Variants in SCNN1B observed in about 807,000 individuals in gnomAD.
SCNN1B encodes sodium channel epithelial 1 subunit beta.
SCNN1B carries 46 observed loss-of-function variants against 65.3 expected under a neutral mutation model. The observed-to-expected ratio is 0.70, with a 90% CI of 0.56 to 0.90. SCNN1B has a LOEUF of 0.90. SCNN1B is among the 40% of genes least tolerant of loss of function. SCNN1B has a pLI of 0.00. For missense variants in SCNN1B, 751 were observed against 830.5 expected (o/e 0.90, Z 1.18); for synonymous variants, 349 against 330.6 (o/e 1.06, Z -0.60).
At position 23,307,413 on chromosome 16, in the gene SCNN1B, G is replaced by A. The variant is rs1006325945; in HGVS notation, c.-9+4976G>A. ...CGGCTCACTGCAACCTCCACTTCCCGGGTTCAAGTGATGCTCCTGCCTCAG... is the reference window on the plus strand; with the variant it reads ...CGGCTCACTGCAACCTCCACTTCCCAGGTTCAAGTGATGCTCCTGCCTCAG... On this transcript the variant is annotated intron_variant, in intron 1 of 12. Coordinates refer to ENST00000343070, the MANE Select transcript of SCNN1B (RefSeq NM_000336.3). 8.8e-5 allele frequency among the ~76,000 whole-genome samples: 13 copies of A among 148,340 alleles called. No individual in the cohort carries two copies. In the South Asian group the frequency reaches 1.1e-3, roughly 12 times the overall value.
chr16:23,302,015 T>G (rs1487788539), upstream of SCNN1B, among the ~76,000 whole-genome samples: 1 of 152,054 alleles, frequency 6.6e-6, no homozygotes, highest in Non-Finnish European at 1.5e-5. Flanking sequence ...GCTTGTGATA[T>G]GTACTGAGGG....
intron 1 of SCNN1B, among the ~76,000 whole-genome samples, chr16:23,343,867 A>G (rs936049669): frequency 6.6e-6 from 1 of 152,180 alleles, no homozygotes; most frequent in Non-Finnish European, 1.5e-5. Context: ...CTGTACACTG[A>G]TTCAATCCCT....
rs1962334630 is a variant in SCNN1B, at chr16:23,352,702, A to G, written c.312-99A>G. 71 of 1,247,518 alleles carry G rather than the reference A, an allele frequency of 5.7e-5. No individual in the cohort carries two copies. The South Asian group carries it at 7.9e-4, about 14-fold the overall frequency. 77.3% of individuals were successfully genotyped at this position (1,247,518 alleles called of 1,614,324 possible). A position where few individuals can be genotyped will look rare whatever the true frequency, so the allele number is the denominator to read the frequency against. ...CAGTCTCAGGTAGTATCTTTATAGC[A>G]GTGTGAAAACAGACTACTATGGAGT... On this transcript the variant is annotated intron_variant, in intron 2 of 12. Coordinates refer to ENST00000343070, the MANE Select transcript of SCNN1B (RefSeq NM_000336.3).
intron 2 of SCNN1B, among the ~76,000 whole-genome samples, chr16:23,349,308 C>T (rs1199551333): frequency 9.2e-5 from 14 of 151,900 alleles, no homozygotes; most frequent in Non-Finnish European, 1.8e-4. Flanking sequence ...CAAGATCCCA[C>T]TTCTAAAAAA....
At chr16:23,287,917 A>C (rs367787616) in intron 2 of SCNN1B, among the ~76,000 whole-genome samples, 11 of 150,458 alleles carry the variant, frequency 7.3e-5, no homozygotes, top group Admixed American at 2.0e-4. Context: ...CATTTTGGGA[A>C]GCCGAGGTAG....
intron 1 of SCNN1B, among the ~76,000 whole-genome samples, chr16:23,315,515 G>A (rs1462237022): frequency 6.6e-6 from 1 of 152,118 alleles, no homozygotes; most frequent in Non-Finnish European, 1.5e-5. Flanking sequence ...TATAGAACAG[G>A]CATGGGAGCC....
intron 1 of SCNN1B, among the ~76,000 whole-genome samples, chr16:23,328,391 T>A (rs1961741061): frequency 6.6e-6 from 1 of 152,190 alleles, no homozygotes. Context: ...GATAGTATAA[T>A]TGGTTCCCAG....
chr16:23,330,146 C>T (rs116835294), intron 1 of SCNN1B, among the ~76,000 whole-genome samples: 413 of 152,306 alleles, frequency 2.7e-3, no homozygotes, highest in African/African-American at 9.7e-3. Flanking sequence ...ACCCATGTGT[C>T]GCCTTTGAGG....
chr16:23,361,644 G>T (rs1483465853), intron 4 of SCNN1B, among the ~76,000 whole-genome samples: 1 of 152,148 alleles, frequency 6.6e-6, no homozygotes, highest in Non-Finnish European at 1.5e-5. Context: ...TGGCCACTCT[G>T]TCAGTTAGCA....
intron 1 of SCNN1B, among the ~76,000 whole-genome samples, chr16:23,328,822 G>T (rs570634611): frequency 2.0e-5 from 3 of 152,132 alleles, no homozygotes; most frequent in Non-Finnish European, 2.9e-5. Context: ...TTGAGACAGG[G>T]TCTCGCTCTG....
At chr16:23,285,300 G>C (rs1960834356) in intron 2 of SCNN1B, among the ~76,000 whole-genome samples, 2 of 152,060 alleles carry the variant, frequency 1.3e-5, no homozygotes, top group African/African-American at 2.4e-5. Context: ...AGCCTCCCCA[G>C]TAGCTGGGAC....
At chr16:23,362,813 A>G (rs1379989690) in intron 4 of SCNN1B, among the ~76,000 whole-genome samples, 1 of 152,184 alleles carries the variant, frequency 6.6e-6, no homozygotes, top group Non-Finnish European at 1.5e-5. Flanking sequence ...CCCTGGGGCG[A>G]GGTCTCTCCT....
chr16:23,365,611 A>G (rs1251724389), intron 4 of SCNN1B, among the ~76,000 whole-genome samples: 1 of 68,160 alleles, frequency 1.5e-5, no homozygotes. Context: ...GAAAGAAAGA[A>G]AGAAAGAAAA....
intron 1 of SCNN1B, among the ~76,000 whole-genome samples, chr16:23,320,042 C>T (rs539668702): frequency 5.9e-5 from 9 of 152,258 alleles, no homozygotes; most frequent in African/African-American, 1.4e-4. Flanking sequence ...CCACCTTGCC[C>T]GGCCACGTCT....
chr16:23,318,528 G>A (rs1307451121), intron 1 of SCNN1B, among the ~76,000 whole-genome samples: 1 of 152,192 alleles, frequency 6.6e-6, no homozygotes, highest in Admixed American at 6.5e-5. Context: ...AGAATTGCTT[G>A]AACCCGGGAG....
At chr16:23,308,679 G>C (rs1961273111) in intron 1 of SCNN1B, among the ~76,000 whole-genome samples, 1 of 152,098 alleles carries the variant, frequency 6.6e-6, no homozygotes, top group South Asian at 2.1e-4. Flanking sequence ...CTGTCACCCA[G>C]ACTGGAGTGC....
chr16:23,287,551 A>G (rs1960867549), intron 2 of SCNN1B, among the ~76,000 whole-genome samples: 1 of 151,976 alleles, frequency 6.6e-6, no homozygotes, highest in African/African-American at 2.4e-5. Context: ...GTCACTACAA[A>G]CAGTAAAAAA....
At chr16:23,290,977 T>C (rs1006149681) in intron 2 of SCNN1B, among the ~76,000 whole-genome samples, 2 of 152,180 alleles carry the variant, frequency 1.3e-5, no homozygotes, top group African/African-American at 2.4e-5. Flanking sequence ...GGGTTTTTAA[T>C]TTTTTAATTA....
chr16:23,356,079 C>T (rs1962414698), intron 4 of SCNN1B, among the ~76,000 whole-genome samples: 1 of 152,132 alleles, frequency 6.6e-6, no homozygotes, highest in Non-Finnish European at 1.5e-5. Context: ...AGGGGACCAG[C>T]CTTTCTGCGT....
Sources: gnomAD v4.1 joint callset for allele counts (sites outside exome capture counted in the v4.1 genomes callset) on GRCh38, gnomAD v4.1.1 for gene constraint, MANE v1.5 for transcripts, NCBI Gene and HGNC (gene_info 2026-07-23, HGNC 2026-07-21) for gene names.